PRKCE: variants seen among roughly 807,000 people sequenced by gnomAD.
PRKCE encodes protein kinase C epsilon type.
In PRKCE, 16 loss-of-function variants were observed where a neutral mutation model predicts 85.4. The ratio of observed to expected loss-of-function variants is 0.19; its 90% CI spans 0.13 to 0.28. The LOEUF (loss-of-function observed/expected upper bound fraction) is 0.28, where lower values mean the gene tolerates loss of function less well. Ranked by LOEUF, PRKCE falls within the 10% of genes least tolerant of loss-of-function variation. PRKCE has a pLI of 1.00. For missense variants in PRKCE, 573 were observed against 975.2 expected (o/e 0.59, Z 5.49); for synonymous variants, 388 against 371.5 (o/e 1.04, Z -0.51).
rs1674659277 is a variant in PRKCE, at chr2:46,133,464, C to T, written c.1593-11629C>T. Among the ~76,000 whole-genome samples the T allele has an allele frequency of 1.3e-5, 2 of 152,178 alleles. 1 individual carries two copies. Among genetic ancestry groups the T allele is most frequent in the South Asian group, 4.1e-4 (2 of 4,830 alleles). On this transcript the variant is annotated intron_variant, in intron 11 of 14. Transcript: ENST00000306156. ...CAGGGATTGTGTCTTTCTTCCCTCTCCCTATCCTGAAACAGACTCTAAGTA... is the reference window on the plus strand; with the variant it reads ...CAGGGATTGTGTCTTTCTTCCCTCTTCCTATCCTGAAACAGACTCTAAGTA...
chr2:46,099,855 C>T (rs960356262), intron 11 of PRKCE, among the ~76,000 whole-genome samples: 37 of 152,280 alleles, frequency 2.4e-4, no homozygotes, highest in African/African-American at 7.9e-4. Flanking sequence ...ACCGCTCTTC[C>T]CCTGGGCTCC....
intron 1 of PRKCE, among the ~76,000 whole-genome samples, chr2:45,789,458 T>C (rs1011529296): frequency 6.6e-6 from 1 of 152,236 alleles, no homozygotes; most frequent in African/African-American, 2.4e-5. Flanking sequence ...TTAAATCATA[T>C]GGGCATGTAA....
At chr2:46,021,001 C>T (rs1341435764) in intron 10 of PRKCE, among the ~76,000 whole-genome samples, 3 of 152,154 alleles carry the variant, frequency 2.0e-5, no homozygotes, top group Admixed American at 6.5e-5. Flanking sequence ...ACCATTTGGT[C>T]ACGATCACAC....
intron 1 of PRKCE, among the ~76,000 whole-genome samples, chr2:45,746,968 C>A (rs1264835807): frequency 6.6e-6 from 1 of 152,188 alleles, no homozygotes; most frequent in East Asian, 1.9e-4. Context: ...TCAGTCCCCG[C>A]CACCTCTGCA....
chr2:45,677,346 G>T lies in PRKCE; in HGVS notation c.348+24898G>T, dbSNP rs1041672498. On this transcript the variant is annotated intron_variant, in intron 1 of 14. Transcript: ENST00000306156. Reference sequence around the variant, plus strand: ...TTTTTTTTTTGTTTTTTTTTTTGTTGTTGTTGTTTTTTTTTTTTTTTGAGA... The same window carrying T: ...TTTTTTTTTTGTTTTTTTTTTTGTTTTTGTTGTTTTTTTTTTTTTTTGAGA... Among the ~76,000 whole-genome samples the T allele has an allele frequency of 8.4e-3, 1,113 of 132,056 alleles. 8 individuals carry two copies. The highest frequency in any genetic ancestry group is 0.012 in the Non-Finnish European group (765 of 62,326). 86.6% of individuals were successfully genotyped at this position (132,056 alleles called of 152,430 possible). A position where few individuals can be genotyped will look rare whatever the true frequency, so the allele number is the denominator to read the frequency against.
At chr2:45,942,252 C>G (rs1699937137) in intron 2 of PRKCE, among the ~76,000 whole-genome samples, 1 of 152,094 alleles carries the variant, frequency 6.6e-6, no homozygotes, top group Non-Finnish European at 1.5e-5. Flanking sequence ...TCCAAAAACA[C>G]CAATTAGAGA....
chr2:46,098,709 C>T (rs1670934271), intron 11 of PRKCE, among the ~76,000 whole-genome samples: 1 of 152,168 alleles, frequency 6.6e-6, no homozygotes. Flanking sequence ...TATTCAACAG[C>T]CAGTACTGAA....
chr2:46,165,734 C>T (rs1042165981), intron 14 of PRKCE, among the ~76,000 whole-genome samples: 3 of 152,190 alleles, frequency 2.0e-5, no homozygotes, highest in African/African-American at 4.8e-5. Context: ...CTGGCTTCTC[C>T]GCTGTGTACC....
intron 11 of PRKCE, among the ~76,000 whole-genome samples, chr2:46,095,345 CAT>C (rs530790340): frequency 9.2e-5 from 14 of 152,304 alleles, no homozygotes; most frequent in South Asian, 6.2e-4. Flanking sequence ...CCAGAATACA[CAT>C]GTTTATTTAA....
intron 10 of PRKCE, among the ~76,000 whole-genome samples, chr2:46,074,319 G>A (rs1485004928): frequency 2.0e-5 from 3 of 151,716 alleles, no homozygotes; most frequent in South Asian, 2.1e-4. Flanking sequence ...TCCCTGAATC[G>A]GCTGGTCATT....
intron 2 of PRKCE, among the ~76,000 whole-genome samples, chr2:45,865,795 A>AT (rs1025483777): frequency 8.5e-5 from 11 of 129,912 alleles, no homozygotes; most frequent in Non-Finnish European, 1.4e-4. Flanking sequence ...CTCTGAGAAA[A>AT]TAAGTTTCTT....
At chr2:45,668,695 G>A (rs1224352141) in intron 1 of PRKCE, among the ~76,000 whole-genome samples, 2 of 152,158 alleles carry the variant, frequency 1.3e-5, no homozygotes, top group Non-Finnish European at 2.9e-5. Flanking sequence ...TGACCTTGAT[G>A]AAGCTGAAAC....
intron 1 of PRKCE, among the ~76,000 whole-genome samples, chr2:45,744,478 TTTCTTTCTTTTTCTTTCTTTCTTTTC>T (rs1558623731): frequency 3.2e-4 from 19 of 58,524 alleles, no homozygotes; most frequent in Middle Eastern, 7.7e-3. Context: ...TCTTTCTTTC[TTTCTTTCTTTTTCTTTCTTTCTTTTC>T]TTTCTTTCTT....
At chr2:46,101,238 G>T (rs1395386864) in intron 11 of PRKCE, among the ~76,000 whole-genome samples, 1 of 152,178 alleles carries the variant, frequency 6.6e-6, no homozygotes, top group Non-Finnish European at 1.5e-5. Flanking sequence ...TTTAGGTGGG[G>T]ATGGCAGACA....
chr2:45,803,634 T>C (rs899998234), intron 1 of PRKCE, among the ~76,000 whole-genome samples: 2 of 152,154 alleles, frequency 1.3e-5, no homozygotes, highest in African/African-American at 4.8e-5. Flanking sequence ...GCCTTTAATA[T>C]TTACTGATGG....
rs185538382 is a variant in PRKCE, at chr2:45,757,821, G to A, written c.349-85179G>A. 3.9e-5 allele frequency among the ~76,000 whole-genome samples: 6 copies of A among 152,236 alleles called. No homozygotes were observed. In the South Asian group the frequency reaches 6.2e-4, roughly 16 times the overall value. Reference sequence around the variant, plus strand: ...TGAGAGGAGAAAAAATAGCCTCAGCGTGCTTAGGATGGCAGGGGAGGACCA... The same window carrying A: ...TGAGAGGAGAAAAAATAGCCTCAGCATGCTTAGGATGGCAGGGGAGGACCA... On this transcript the variant is annotated intron_variant, in intron 1 of 14. Transcript: ENST00000306156.
intron 1 of PRKCE, among the ~76,000 whole-genome samples, chr2:45,746,074 A>G (rs890894649): frequency 1.3e-5 from 2 of 152,212 alleles, no homozygotes; most frequent in African/African-American, 2.4e-5. Context: ...AATCCTAAGT[A>G]TCTGTCTCTG....
intron 10 of PRKCE, among the ~76,000 whole-genome samples, chr2:46,048,180 A>G (rs1469145779): frequency 6.6e-6 from 1 of 151,836 alleles, no homozygotes; most frequent in African/African-American, 2.4e-5. Context: ...AAGGAGAACT[A>G]AGTTCTGTTT....
intron 10 of PRKCE, among the ~76,000 whole-genome samples, chr2:46,026,015 A>C (rs1046312123): frequency 7.2e-5 from 11 of 152,230 alleles, no homozygotes; most frequent in South Asian, 6.2e-4. Flanking sequence ...AAAAGCTGAA[A>C]ATGATCAATA....
Sources: gnomAD v4.1 joint callset for allele counts (sites outside exome capture counted in the v4.1 genomes callset) on GRCh38, gnomAD v4.1.1 for gene constraint, MANE v1.5 for transcripts, NCBI Gene and HGNC (gene_info 2026-07-23, HGNC 2026-07-21) for gene names.